The following AIM2 variants were observed in gnomAD, a reference collection of about 807,000 sequenced individuals.
AIM2 encodes the protein interferon-inducible protein AIM2.
AIM2 carries 30 observed loss-of-function variants against 27.7 expected under a neutral mutation model. That is an observed-to-expected ratio of 1.08 (90% CI 0.81 to 1.47). AIM2 has a LOEUF of 1.47. Ranked by LOEUF, AIM2 falls within the 40% of genes most tolerant of loss-of-function variation. The probability of loss-of-function intolerance (pLI) is 0.00; values close to 1 mark genes in which losing one functional copy is unlikely to be tolerated. For synonymous variants in AIM2, 141 were observed against 145.3 expected (o/e 0.97, Z 0.21); for missense variants, 358 against 411.3 (o/e 0.87, Z 1.12).
chr1:159,137,954 T>C (rs1033054025), intron 1 of AIM2, among the ~76,000 whole-genome samples: 1 of 152,172 alleles, frequency 6.6e-6, no homozygotes, highest in African/African-American at 2.4e-5. Context: ...TCAGGGTGGG[T>C]CTTCATATAG....
At chr1:159,134,940 C>T (rs1056660015) in intron 1 of AIM2, among the ~76,000 whole-genome samples, 1 of 152,216 alleles carries the variant, frequency 6.6e-6, no homozygotes, top group African/African-American at 2.4e-5. Flanking sequence ...TCATTCTTTG[C>T]CTAGTTATTT....
At chr1:159,121,197 C>T (rs1570976803) in intron 1 of AIM2, among the ~76,000 whole-genome samples, 1 of 152,164 alleles carries the variant, frequency 6.6e-6, no homozygotes, top group Non-Finnish European at 1.5e-5. Context: ...TTCTCTATTG[C>T]CTGTATAAAC....
intron 2 of AIM2, 124 bp downstream of exon 2, chr1:159,073,114 G>A: frequency 4.2e-6 from 5 of 1,186,790 alleles, no homozygotes; most frequent in Non-Finnish European, 5.9e-6. Context: ...AGAGACAGGT[G>A]CACTAAGTTA....
intron 1 of AIM2, among the ~76,000 whole-genome samples, chr1:159,074,435 C>G (rs78916278): frequency 0.069 from 10,532 of 151,684 alleles, 672 homozygotes; most frequent in East Asian, 0.31. Context: ...GTTAAAAAGA[C>G]TGTCATTTTT....
intron 2 of AIM2, among the ~76,000 whole-genome samples, chr1:159,069,546 CTTT>C (rs760527368): frequency 2.1e-5 from 3 of 142,046 alleles, no homozygotes; most frequent in Non-Finnish European, 3.1e-5. Context: ...TGATTTCTTT[CTTT>C]TTTTTTTTTT....
chr1:159,068,867 T>G (rs1656233874), intron 2 of AIM2, among the ~76,000 whole-genome samples, 166 bp from the exon 3 acceptor site: 1 of 152,146 alleles, frequency 6.6e-6, no homozygotes, highest in Admixed American at 6.5e-5. Context: ...AAACTGGACC[T>G]GGCACAGACA....
At chr1:159,115,750 A>G (rs896870751) in intron 1 of AIM2, among the ~76,000 whole-genome samples, 3 of 152,234 alleles carry the variant, frequency 2.0e-5, no homozygotes, top group African/African-American at 7.2e-5. Context: ...CCTAGGCAAT[A>G]CCATTCAGGA....
At chr1:159,103,280 G>T (rs1657355066) in intron 1 of AIM2, among the ~76,000 whole-genome samples, 1 of 152,200 alleles carries the variant, frequency 6.6e-6, no homozygotes, top group African/African-American at 2.4e-5. Context: ...TCAGAACTGT[G>T]AGTCAATTAA....
At chr1:159,058,273 C>T (rs145961869), downstream of AIM2, among the ~76,000 whole-genome samples, 1,112 of 151,494 alleles carry the variant, frequency 7.3e-3, 15 homozygotes, top group African/African-American at 0.026. Flanking sequence ...TGCTTGAACC[C>T]GGGAGGCGGA....
At chr1:159,113,122 T>G (rs1424964837) in intron 1 of AIM2, among the ~76,000 whole-genome samples, 1 of 152,032 alleles carries the variant, frequency 6.6e-6, no homozygotes, top group Non-Finnish European at 1.5e-5. Flanking sequence ...TTTTTTGTAT[T>G]TTTAGTAAAG....
At chr1:159,059,873 G>A (rs886879244), downstream of AIM2, among the ~76,000 whole-genome samples, 3 of 152,004 alleles carry the variant, frequency 2.0e-5, no homozygotes, top group South Asian at 2.1e-4. Flanking sequence ...TGATCGCACC[G>A]TGTCATATTT....
chr1:159,112,953 T>C (rs1261327838), intron 1 of AIM2, among the ~76,000 whole-genome samples: 1 of 131,044 alleles, frequency 7.6e-6, no homozygotes, highest in Non-Finnish European at 1.5e-5. Flanking sequence ...ATATATATAA[T>C]TTTTTTTTTG....
chr1:159,092,999 C>T (rs144237968), intron 1 of AIM2, among the ~76,000 whole-genome samples: 2,259 of 151,602 alleles, frequency 0.015, 31 homozygotes, highest in Non-Finnish European at 0.021. Flanking sequence ...ACACTCCAGC[C>T]TCGGTGACAG....
At chr1:159,095,615 T>C (rs2102013205) in intron 1 of AIM2, among the ~76,000 whole-genome samples, 1 of 152,336 alleles carries the variant, frequency 6.6e-6, no homozygotes, top group Admixed American at 6.5e-5. Context: ...GTTTACTCTG[T>C]CTGATATAGA....
intron 1 of AIM2, among the ~76,000 whole-genome samples, chr1:159,082,369 A>G (rs1656798164): frequency 6.6e-6 from 1 of 152,224 alleles, no homozygotes; most frequent in East Asian, 1.9e-4. Flanking sequence ...ATAAACAACA[A>G]TTTATATACA....
chr1:159,146,397 G>C (rs1648207365), intron 1 of AIM2, among the ~76,000 whole-genome samples: 1 of 151,998 alleles, frequency 6.6e-6, no homozygotes, highest in Non-Finnish European at 1.5e-5. Flanking sequence ...TGCTTGTGTA[G>C]ATTCCCAGTC....
At chr1:159,128,682 T>C (rs1289488931) in intron 1 of AIM2, among the ~76,000 whole-genome samples, 2 of 152,108 alleles carry the variant, frequency 1.3e-5, no homozygotes, top group African/African-American at 2.4e-5. Context: ...CTCAGCTTCC[T>C]CAGTGTTTGC....
intron 1 of AIM2, among the ~76,000 whole-genome samples, chr1:159,109,512 T>C (rs1342985242): frequency 6.6e-6 from 1 of 152,212 alleles, no homozygotes; most frequent in African/African-American, 2.4e-5. Flanking sequence ...AAGAATTTCA[T>C]GATTAAGAAC....
Position 159,063,646 on chromosome 1 carries a change from A to T in AIM2, c.845T>A (p.Phe282Tyr), listed in dbSNP as rs1389481437. The T allele has an allele frequency of 1.2e-6, 2 of 1,612,778 alleles. No homozygotes were observed. Residue 282 changes from phenylalanine to tyrosine, a missense_variant, in exon 5 of 6, where the codon TTT (phenylalanine) becomes TAT (tyrosine). Transcript: ENST00000368130. Reference sequence around the variant, plus strand: ...TTTCCCAGTGTTGTCACTTAGGTCAAATAATATGTTTTTCTTCTTTTCTGT... The same window carrying T: ...TTTCCCAGTGTTGTCACTTAGGTCATATAATATGTTTTTCTTCTTTTCTGT... The part of the protein sequence containing the change: ...KVTEKKKNIL[F>Y]DLSDNTGKME...
Sources: gnomAD v4.1 joint callset for allele counts (sites outside exome capture counted in the v4.1 genomes callset) on GRCh38, gnomAD v4.1.1 for gene constraint, MANE v1.5 for transcripts, NCBI Gene and HGNC (gene_info 2026-07-23, HGNC 2026-07-21) for gene names.